The following VMP1 variants were observed in gnomAD, a reference collection of about 807,000 sequenced individuals.
VMP1 encodes vacuole membrane protein 1.
A neutral mutation model predicts 56.0 loss-of-function variants in VMP1; 11 were observed. The ratio of observed to expected loss-of-function variants is 0.20; its 90% CI spans 0.12 to 0.32. The LOEUF (loss-of-function observed/expected upper bound fraction) is 0.32. Ranked by LOEUF, VMP1 falls within the 10% of genes least tolerant of loss-of-function variation. The probability of loss-of-function intolerance (pLI) is 1.00; values close to 1 mark genes in which losing one functional copy is unlikely to be tolerated. For missense variants in VMP1, 296 were observed against 490.3 expected, an observed-to-expected ratio of 0.60 and a Z score of 3.74; for synonymous variants, 149 against 165.0, an observed-to-expected ratio of 0.90 and a Z score of 0.74.
At chr17:59,728,430 C>A (rs1172288163) in intron 1 of VMP1, among the ~76,000 whole-genome samples, 2 of 151,192 alleles carry the variant, frequency 1.3e-5, no homozygotes, top group Non-Finnish European at 2.9e-5. Context: ...ATAATATAAC[C>A]CCCTAACTCA....
chr17:59,727,889 G>A (rs563450617), intron 1 of VMP1, among the ~76,000 whole-genome samples: 16 of 152,272 alleles, frequency 1.1e-4, no homozygotes, highest in African/African-American at 3.8e-4. Flanking sequence ...AACAATGAAG[G>A]ACTAAAGAAA....
chr17:59,817,550 C>T (rs1243997329), intron 9 of VMP1, among the ~76,000 whole-genome samples, 162 bp from the exon 10 acceptor site: 2 of 151,628 alleles, frequency 1.3e-5, no homozygotes, highest in Non-Finnish European at 2.9e-5. Flanking sequence ...CGGGGTTTCA[C>T]CATGTTGGAC....
chr17:59,812,888 G>A (rs539394748), intron 9 of VMP1, among the ~76,000 whole-genome samples: 4 of 152,158 alleles, frequency 2.6e-5, no homozygotes, highest in South Asian at 4.2e-4. Context: ...CCAAGATCAC[G>A]CCACTGCACT....
intron 2 of VMP1, among the ~76,000 whole-genome samples, chr17:59,732,418 T>A (rs2034862020): frequency 6.6e-6 from 1 of 152,154 alleles, no homozygotes; most frequent in Admixed American, 6.5e-5. Flanking sequence ...AATTTTTGTA[T>A]TTTTAGTAGA....
At chr17:59,802,895 C>T (rs112493755) in intron 7 of VMP1, among the ~76,000 whole-genome samples, 2 of 143,818 alleles carry the variant, frequency 1.4e-5, no homozygotes, top group Non-Finnish European at 1.6e-5. Flanking sequence ...TACAGGCATG[C>T]GCCACCATGC....
At chr17:59,709,144 C>T (rs2033807654) in intron 1 of VMP1, among the ~76,000 whole-genome samples, 1 of 152,112 alleles carries the variant, frequency 6.6e-6, no homozygotes, top group Admixed American at 6.5e-5. Context: ...AATTTGTTCA[C>T]GCTTGGCTTT....
At position 59,755,269 on chromosome 17, in the gene VMP1, G is replaced by A. The variant is rs146311913; in HGVS notation, c.415-9702G>A. On this transcript the variant is annotated intron_variant, in intron 5 of 11. Transcript: ENST00000262291. The stretch of plus-strand genomic sequence containing the variant: ...ACTACAAGCATGCGCCACCACACCC[G>A]GCTAATTTTTTGTATTTTTAGTAGA... Among the ~76,000 whole-genome samples the A allele has an allele frequency of 3.1e-3, 474 of 151,746 alleles. 1 individual carries two copies. The highest frequency in any genetic ancestry group is 8.5e-3 in the African/African-American group (353 of 41,370).
chr17:59,783,885 T>G (rs1451639732), intron 7 of VMP1, among the ~76,000 whole-genome samples: 1 of 152,172 alleles, frequency 6.6e-6, no homozygotes, highest in African/African-American at 2.4e-5. Flanking sequence ...AATAATTTTC[T>G]GAAAAATATC....
intron 7 of VMP1, among the ~76,000 whole-genome samples, chr17:59,786,658 CTGTT>C (rs879438411): frequency 7.2e-5 from 11 of 152,234 alleles, no homozygotes; most frequent in Non-Finnish European, 8.8e-5. Flanking sequence ...TTCCAGTAAA[CTGTT>C]TGAGCAGGAG....
chr17:59,751,913 C>T (rs2035666597), intron 5 of VMP1, among the ~76,000 whole-genome samples: 1 of 151,988 alleles, frequency 6.6e-6, no homozygotes, highest in Admixed American at 6.6e-5. Context: ...CTCCTGGGCT[C>T]AAGAGATCTT....
chr17:59,839,495 T>C (rs1179362347), intron 11 of VMP1: 2 of 366,026 alleles, frequency 5.5e-6, no homozygotes, highest in Non-Finnish European at 9.8e-6. Flanking sequence ...AAGAGTTTAT[T>C]CTTAGGTCCT....
chr17:59,711,228 T>C (rs958619839), intron 1 of VMP1, among the ~76,000 whole-genome samples: 1 of 152,212 alleles, frequency 6.6e-6, no homozygotes, highest in Non-Finnish European at 1.5e-5. Flanking sequence ...AGTTATTTTA[T>C]TCTGGGTAAA....
chr17:59,715,646 A>T (rs141421397), intron 1 of VMP1, among the ~76,000 whole-genome samples: 2 of 152,260 alleles, frequency 1.3e-5, no homozygotes, highest in South Asian at 2.1e-4. Context: ...CAAACAATCA[A>T]CAAAACATGC....
At chr17:59,720,068 C>T (rs1474031748) in intron 1 of VMP1, among the ~76,000 whole-genome samples, 1 of 152,190 alleles carries the variant, frequency 6.6e-6, no homozygotes, top group African/African-American at 2.4e-5. Context: ...AACTTACATA[C>T]GTGCACTCGG....
chr17:59,828,780 T>A (rs2038720208), intron 10 of VMP1, among the ~76,000 whole-genome samples: 1 of 152,224 alleles, frequency 6.6e-6, no homozygotes, highest in South Asian at 2.1e-4. Flanking sequence ...GCAAGTAGAA[T>A]ACATCAGTTA....
intron 1 of VMP1, among the ~76,000 whole-genome samples, chr17:59,720,621 A>G (rs1391820047): frequency 6.6e-6 from 1 of 152,186 alleles, no homozygotes; most frequent in African/African-American, 2.4e-5. Flanking sequence ...ATTAAACAGC[A>G]TGGAGAAACT....
At chr17:59,804,263 A>G (rs2037771176) in intron 7 of VMP1, among the ~76,000 whole-genome samples, 2 of 152,318 alleles carry the variant, frequency 1.3e-5, no homozygotes, top group East Asian at 1.9e-4. Flanking sequence ...CAATAAAATT[A>G]TTACATAAAG....
chr17:59,739,648 C>T (rs536493962), intron 5 of VMP1, among the ~76,000 whole-genome samples: 80 of 146,542 alleles, frequency 5.5e-4, no homozygotes, highest in African/African-American at 2.0e-3. Flanking sequence ...GGCCTGAACC[C>T]GGGAGGCGGA....
At chr17:59,730,448 T>G (rs1236370686) in intron 1 of VMP1, among the ~76,000 whole-genome samples, 1 of 152,020 alleles carries the variant, frequency 6.6e-6, no homozygotes, top group African/African-American at 2.4e-5. Flanking sequence ...TTATCTTATG[T>G]AGGATGGGAT....
Sources: allele counts gnomAD v4.1 joint callset (sites outside exome capture counted in the v4.1 genomes callset), GRCh38; gene constraint gnomAD v4.1.1; transcripts MANE v1.5; gene names NCBI Gene and HGNC (gene_info 2026-07-23, HGNC 2026-07-21).